The following SYNPR variants were observed in gnomAD, a reference collection of about 807,000 sequenced individuals.
The protein encoded by SYNPR is synaptoporin.
SYNPR carries 23 observed loss-of-function variants against 32.9 expected under a neutral mutation model. The ratio of observed to expected loss-of-function variants is 0.70; its 90% CI spans 0.50 to 0.99. SYNPR has a LOEUF of 0.99. Ranked by LOEUF, SYNPR falls within the 50% of genes least tolerant of loss-of-function variation. SYNPR has a pLI of 0.00. For missense variants in SYNPR, 318 were observed against 349.3 expected (o/e 0.91, Z 0.71); for synonymous variants, 146 against 135.9 (o/e 1.07, Z -0.52).
intron 3 of SYNPR, among the ~76,000 whole-genome samples, chr3:63,493,067 GA>G (rs1403427163): frequency 2.0e-5 from 3 of 152,042 alleles, no homozygotes; most frequent in Non-Finnish European, 4.4e-5. Context: ...CTGAAAGAAA[GA>G]AATGTTAGGA....
chr3:63,414,532 T>A (rs1054128197), intron 2 of SYNPR, among the ~76,000 whole-genome samples: 2 of 152,240 alleles, frequency 1.3e-5, no homozygotes, highest in African/African-American at 2.4e-5. Context: ...TTTTCATTAT[T>A]GCAATTCAGA....
At chr3:63,357,460 C>T (rs946168012) in intron 2 of SYNPR, among the ~76,000 whole-genome samples, 4 of 152,090 alleles carry the variant, frequency 2.6e-5, no homozygotes, top group East Asian at 1.9e-4. Flanking sequence ...TAGCTAAGGA[C>T]GTCACATTTT....
intron 2 of SYNPR, among the ~76,000 whole-genome samples, chr3:63,317,239 T>C (rs2087052976): frequency 6.6e-6 from 1 of 152,062 alleles, no homozygotes; most frequent in Admixed American, 6.6e-5. Flanking sequence ...TGTATATATC[T>C]GTTAAGTACA....
rs575236898 is a variant in SYNPR, at chr3:63,351,387, T to C, written c.84+72645T>C. On this transcript the variant is annotated intron_variant, in intron 2 of 5. Coordinates refer to ENST00000478300, the MANE Select transcript of SYNPR (RefSeq NM_001130003.2). ...GGGTACGTGTGCTTTTCAAATCAAG[T>C]GTGAGTGCACCCTAGTAGGGAATCA... The C allele has an allele frequency of 3.3e-5, 5 of 152,328 alleles. No homozygotes were observed. In the East Asian group the frequency reaches 9.6e-4, roughly 29 times the overall value. The allele number at this position is 152,328 out of a possible 1,614,324, so 9.4% of individuals were successfully genotyped here.
chr3:63,380,599 G>A (rs2087954167), intron 2 of SYNPR, among the ~76,000 whole-genome samples: 2 of 151,994 alleles, frequency 1.3e-5, no homozygotes, highest in Non-Finnish European at 2.9e-5. Flanking sequence ...CCTTTTGTCA[G>A]ATGAGTCGAT....
intron 2 of SYNPR, chr3:63,443,603 T>C (rs1190164817): frequency 2.0e-6 from 2 of 1,020,050 alleles, no homozygotes; most frequent in Non-Finnish European, 2.8e-6. Context: ...TAATAATCTC[T>C]ATTTTTCTTG....
At chr3:63,550,947 A>T (rs1164129746) in intron 3 of SYNPR, among the ~76,000 whole-genome samples, 1 of 152,096 alleles carries the variant, frequency 6.6e-6, no homozygotes, top group Non-Finnish European at 1.5e-5. Context: ...TCCAGGCCAC[A>T]TTTTATTCCC....
intron 2 of SYNPR, 24 bp downstream of exon 2, chr3:63,278,766 G>C: frequency 5.8e-6 from 9 of 1,551,028 alleles, no homozygotes; most frequent in Non-Finnish European, 7.8e-6. Context: ...TGTGTGCAGG[G>C]AGGGGCGCCA....
intron 2 of SYNPR, among the ~76,000 whole-genome samples, chr3:63,320,841 CTGAGT>C (rs1206481891): frequency 6.6e-6 from 1 of 152,058 alleles, no homozygotes; most frequent in Non-Finnish European, 1.5e-5. Context: ...CCTTCATGTT[CTGAGT>C]TATCTGTGAA....
intron 2 of SYNPR, among the ~76,000 whole-genome samples, chr3:63,440,683 A>G (rs891001671): frequency 2.6e-5 from 4 of 152,248 alleles, no homozygotes; most frequent in Non-Finnish European, 5.9e-5. Context: ...GTTGACCCAG[A>G]AAGCCCTTTA....
At chr3:63,241,061 G>C (rs956267480) in intron 1 of SYNPR, among the ~76,000 whole-genome samples, 4 of 152,058 alleles carry the variant, frequency 2.6e-5, no homozygotes, top group African/African-American at 9.7e-5. Flanking sequence ...TCCATGCTTT[G>C]CACAGGCTGT....
At chr3:63,353,331 G>C (rs923792490) in intron 2 of SYNPR, among the ~76,000 whole-genome samples, 1 of 152,174 alleles carries the variant, frequency 6.6e-6, no homozygotes, top group African/African-American at 2.4e-5. Context: ...CTAGGAATGG[G>C]ATGGATCTCC....
chr3:63,346,280 C>A (rs936504515), intron 2 of SYNPR, among the ~76,000 whole-genome samples: 11 of 152,246 alleles, frequency 7.2e-5, no homozygotes, highest in Middle Eastern at 3.4e-3. Context: ...GTCACAAATA[C>A]ACAATCATAT....
chr3:63,559,833 G>T (rs1702655792), intron 4 of SYNPR, among the ~76,000 whole-genome samples: 1 of 152,052 alleles, frequency 6.6e-6, no homozygotes. Context: ...AGATTGTAAT[G>T]CATATACCAT....
At chr3:63,449,861 A>ATAT (rs1328688511) in intron 2 of SYNPR, among the ~76,000 whole-genome samples, 1 of 152,184 alleles carries the variant, frequency 6.6e-6, no homozygotes, top group East Asian at 1.9e-4. Context: ...CAATATTAAA[A>ATAT]TATTATCACC....
chr3:63,283,874 A>G (rs1026201292), intron 2 of SYNPR, among the ~76,000 whole-genome samples: 2 of 140,348 alleles, frequency 1.4e-5, no homozygotes, highest in Non-Finnish European at 3.0e-5. Context: ...CTGGAGCGCA[A>G]TGGCGCCAAC....
At chr3:63,310,723 G>A (rs372657184) in intron 2 of SYNPR, among the ~76,000 whole-genome samples, 2 of 151,996 alleles carry the variant, frequency 1.3e-5, no homozygotes, top group South Asian at 4.1e-4. Flanking sequence ...TTACTGTGGG[G>A]GCACTAGCTG....
At chr3:63,247,085 A>C (rs1386702248) in intron 1 of SYNPR, among the ~76,000 whole-genome samples, 1 of 151,926 alleles carries the variant, frequency 6.6e-6, no homozygotes, top group African/African-American at 2.4e-5. Context: ...GAAAAAAAAA[A>C]GTTTAGCATA....
chr3:63,297,843 G>A (rs908527435), intron 2 of SYNPR, among the ~76,000 whole-genome samples: 1 of 152,122 alleles, frequency 6.6e-6, no homozygotes, highest in Non-Finnish European at 1.5e-5. Flanking sequence ...GACTGGTTGA[G>A]TCATGAGTCA....
Sources: gnomAD v4.1 joint callset for allele counts (sites outside exome capture counted in the v4.1 genomes callset) on GRCh38, gnomAD v4.1.1 for gene constraint, MANE v1.5 for transcripts, NCBI Gene and HGNC (gene_info 2026-07-23, HGNC 2026-07-21) for gene names.